The following ERBB4 variants were observed in gnomAD, a reference collection of about 807,000 sequenced individuals.
ERBB4 encodes receptor tyrosine-protein kinase erbB-4.
ERBB4 carries 42 observed loss-of-function variants against 158.0 expected under a neutral mutation model. The ratio of observed to expected loss-of-function variants is 0.27; its 90% CI spans 0.21 to 0.34. The LOEUF is 0.34. Among genes scored for constraint, ERBB4 ranks in the 10% least tolerant of loss-of-function variants. ERBB4 has a pLI of 1.00. For missense variants in ERBB4, 1,333 were observed against 1,624.1 expected (o/e 0.82, Z 3.08); for synonymous variants, 583 against 558.7 (o/e 1.04, Z -0.61).
intron 3 of ERBB4, among the ~76,000 whole-genome samples, chr2:211,927,922 C>G (rs549855319): frequency 2.0e-5 from 3 of 151,984 alleles, no homozygotes; most frequent in Non-Finnish European, 2.9e-5. Context: ...TCTCAAAAAA[C>G]AGCTTAATCT....
intron 20 of ERBB4, among the ~76,000 whole-genome samples, chr2:211,551,382 G>C (rs996628819): frequency 6.6e-6 from 1 of 151,930 alleles, no homozygotes; most frequent in Non-Finnish European, 1.5e-5. Flanking sequence ...AATTTATTTT[G>C]ATTTTAAGGG....
intron 2 of ERBB4, among the ~76,000 whole-genome samples, chr2:212,025,086 T>G (rs2076743231): frequency 6.6e-6 from 1 of 151,852 alleles, no homozygotes; most frequent in African/African-American, 2.4e-5. Context: ...TTGTTAGTAT[T>G]AAAGTTGGCA....
intron 17 of ERBB4, among the ~76,000 whole-genome samples, chr2:211,626,953 A>AAT (rs2125864711): frequency 3.0e-5 from 1 of 33,250 alleles, no homozygotes; most frequent in African/African-American, 7.6e-5. Context: ...TAAATAAAAA[A>AAT]AATAAAAAAA....
chr2:212,198,733 CTTTTTTTTTTT>C (rs11448093), intron 1 of ERBB4, among the ~76,000 whole-genome samples: 14 of 96,430 alleles, frequency 1.5e-4, no homozygotes, highest in Non-Finnish European at 2.5e-4. Context: ...TCACCACGCC[CTTTTTTTTTTT>C]TTTTTTTTTT....
intron 3 of ERBB4, among the ~76,000 whole-genome samples, chr2:211,874,274 T>C (rs1287374704): frequency 6.6e-6 from 1 of 152,202 alleles, no homozygotes; most frequent in South Asian, 2.1e-4. Context: ...CTAGTTCCTT[T>C]ATACTCAGCC....
chr2:212,517,715 G>A (rs1691923427), intron 1 of ERBB4, among the ~76,000 whole-genome samples: 1 of 152,012 alleles, frequency 6.6e-6, no homozygotes, highest in East Asian at 1.9e-4. Flanking sequence ...TCCTTGCAGT[G>A]CTATTGATTA....
intron 20 of ERBB4, among the ~76,000 whole-genome samples, chr2:211,472,679 T>A (rs1426796368): frequency 6.6e-6 from 1 of 151,948 alleles, no homozygotes; most frequent in Non-Finnish European, 1.5e-5. Flanking sequence ...TTTTACTTAT[T>A]CTTCAATCAG....
chr2:211,516,422 C>G (rs1457389124), intron 20 of ERBB4, among the ~76,000 whole-genome samples: 4 of 151,724 alleles, frequency 2.6e-5, no homozygotes, highest in Non-Finnish European at 4.4e-5. Context: ...CAACCTCTGC[C>G]TCCTGGGTTC....
chr2:212,044,579 C>T (rs2125380364), intron 2 of ERBB4, among the ~76,000 whole-genome samples: 1 of 152,226 alleles, frequency 6.6e-6, no homozygotes, highest in East Asian at 1.9e-4. Flanking sequence ...TAAATTTTAA[C>T]ATCTACTAGC....
chr2:211,834,163 A>G (rs555526604), intron 3 of ERBB4, among the ~76,000 whole-genome samples: 1 of 152,302 alleles, frequency 6.6e-6, no homozygotes, highest in African/African-American at 2.4e-5. Flanking sequence ...GATATCAGAG[A>G]AATTACCATA....
At chr2:211,668,130 ATGTG>A (rs1187333125) in intron 14 of ERBB4, among the ~76,000 whole-genome samples, 2 of 152,210 alleles carry the variant, frequency 1.3e-5, no homozygotes, top group Admixed American at 1.3e-4. Flanking sequence ...AATAATAAGC[ATGTG>A]TGTATCTAAA....
intron 27 of ERBB4, 73 bp downstream of exon 27, chr2:211,386,780 C>T (rs2125317749): frequency 3.6e-5 from 55 of 1,512,076 alleles, no homozygotes; most frequent in Non-Finnish European, 4.9e-5. Flanking sequence ...CTGGCAATTT[C>T]TATTCTGTAC....
chr2:212,175,475 T>G (rs1240528251), intron 1 of ERBB4, among the ~76,000 whole-genome samples: 4 of 151,974 alleles, frequency 2.6e-5, no homozygotes, highest in Admixed American at 6.6e-5. Context: ...ATGTACTAGA[T>G]TTTCTATCAT....
intron 2 of ERBB4, among the ~76,000 whole-genome samples, chr2:212,028,479 A>G (rs2076825805): frequency 1.3e-5 from 2 of 152,120 alleles, no homozygotes; most frequent in Non-Finnish European, 2.9e-5. Flanking sequence ...TTTCTCATAA[A>G]TGACGCAATG....
At chr2:211,510,659 A>C (rs961768569) in intron 20 of ERBB4, among the ~76,000 whole-genome samples, 1 of 152,086 alleles carries the variant, frequency 6.6e-6, no homozygotes, top group African/African-American at 2.4e-5. Context: ...TCAATTATAT[A>C]TCTCTCTCTG....
At chr2:212,132,110 A>G (rs1018406141) in intron 1 of ERBB4, among the ~76,000 whole-genome samples, 1 of 152,158 alleles carries the variant, frequency 6.6e-6, no homozygotes, top group African/African-American at 2.4e-5. Flanking sequence ...ATTTTACACA[A>G]TAGTATTTAA....
chr2:211,886,897 C>T (rs781004196), intron 3 of ERBB4, among the ~76,000 whole-genome samples: 1 of 152,216 alleles, frequency 6.6e-6, no homozygotes, highest in African/African-American at 2.4e-5. Context: ...AACTGATACA[C>T]TTGATGTGAG....
chr2:212,290,443 A>C (rs915558944), intron 1 of ERBB4, among the ~76,000 whole-genome samples: 2 of 152,208 alleles, frequency 1.3e-5, no homozygotes, highest in African/African-American at 4.8e-5. Flanking sequence ...TAAACTAAAA[A>C]TTCTAGATTC....
chr2:212,393,386 C>G (rs1456209779), intron 1 of ERBB4, among the ~76,000 whole-genome samples: 1 of 151,958 alleles, frequency 6.6e-6, no homozygotes, highest in Non-Finnish European at 1.5e-5. Context: ...AACCACTGAA[C>G]AGGGAGCATT....
Sources: allele counts gnomAD v4.1 joint callset (sites outside exome capture counted in the v4.1 genomes callset), GRCh38; gene constraint gnomAD v4.1.1; transcripts MANE v1.5; gene names NCBI Gene and HGNC (gene_info 2026-07-23, HGNC 2026-07-21).